Variants in TUBE1 observed in about 807,000 individuals in gnomAD.
TUBE1 encodes the protein tubulin epsilon 1, also known as tubulin epsilon chain.
Under a neutral mutation model 53.5 loss-of-function variants are expected in TUBE1, and 34 were observed. That is an observed-to-expected ratio of 0.64 (90% CI 0.48 to 0.85). The LOEUF (loss-of-function observed/expected upper bound fraction) is 0.85, where lower values mean the gene tolerates loss of function less well. Ranked by LOEUF, TUBE1 falls within the 40% of genes least tolerant of loss-of-function variation. The pLI is 0.00. For synonymous variants in TUBE1, 177 were observed against 198.4 expected, an observed-to-expected ratio of 0.89 and a Z score of 0.91; for missense variants, 532 against 570.5, an observed-to-expected ratio of 0.93 and a Z score of 0.69.
chr6:112,078,440 A>G (rs1777010467), intron 6 of TUBE1: 1 of 152,070 alleles, frequency 6.6e-6, no homozygotes, highest in South Asian at 2.1e-4. Flanking sequence ...AAGTTACAGT[A>G]TAGTATATAT....
rs782471287 is a variant in TUBE1, at chr6:112,071,453, T to C, written c.1387A>G (p.Met463Val). The C allele has an allele frequency of 9.9e-6, 16 of 1,609,442 alleles. No homozygotes were observed. Among genetic ancestry groups the C allele is most frequent in the Middle Eastern group, 1.7e-4 (1 of 5,972 alleles). ...EYDQLDATKN[M>V]PVQDLPRLSI... ...AGTCTGGGTAAATCCTGCACAGGCA[T>C]GTTTTTTGTGGCGTCCAGTTGGTCA... The change falls in exon 12 of 12, where the codon ATG becomes GTG. Residue 463 changes from methionine (M) to valine (V), a missense_variant. Coordinates refer to ENST00000368662, the MANE Select transcript of TUBE1 (RefSeq NM_016262.5).
chr6:112,075,412 T>C (rs1447609868), intron 8 of TUBE1: 1 of 152,346 alleles, frequency 6.6e-6, no homozygotes, highest in Admixed American at 6.5e-5. Flanking sequence ...TAGTTGCTCA[T>C]TACACATATA....
chr6:112,075,064 CTTTCTTTTT>C (rs1776937244), intron 8 of TUBE1: 5 of 164,364 alleles, frequency 3.0e-5, no homozygotes, highest in African/African-American at 9.8e-5. Flanking sequence ...TTTTTTTTTT[CTTTCTTTTT>C]TTTTTTTTTT....
intron 9 of TUBE1, 23 bp downstream of exon 9, chr6:112,074,687 A>T (rs1776925556): frequency 6.9e-7 from 1 of 1,446,108 alleles, no homozygotes; most frequent in Non-Finnish European, 9.1e-7. Context: ...GCCTCAAAAA[A>T]TTGAAACAAA....
At chr6:112,079,567 C>T (rs781990968) in intron 6 of TUBE1, 66 bp downstream of exon 6, 49 of 1,553,216 alleles carry the variant, frequency 3.2e-5, no homozygotes, top group African/African-American at 5.5e-5. Context: ...ACAAGACTTA[C>T]GTTTGCAAAA....
chr6:112,087,333 A>G (rs1583601098), intron 1 of TUBE1, 27 bp from the exon 2 acceptor site: 11 of 1,551,704 alleles, frequency 7.1e-6, no homozygotes, highest in Non-Finnish European at 8.7e-6. Flanking sequence ...GGAAGGAAAG[A>G]GAATAGGACA....
intron 4 of TUBE1, 67 bp downstream of exon 4, chr6:112,084,122 G>C (rs1396999000): frequency 8.0e-7 from 1 of 1,249,524 alleles, no homozygotes; most frequent in South Asian, 1.3e-5. Flanking sequence ...TTATTCTCAT[G>C]ATAGTTACTG....
chr6:112,073,757 A>C (rs1776907475), intron 9 of TUBE1, among the ~76,000 whole-genome samples: 1 of 152,230 alleles, frequency 6.6e-6, no homozygotes, highest in Non-Finnish European at 1.5e-5. Context: ...TTTTCTTTAA[A>C]AACTTTTAAA....
chr6:112,087,143 G>C (rs1447022971), intron 2 of TUBE1, 90 bp downstream of exon 2: 11 of 1,147,216 alleles, frequency 9.6e-6, no homozygotes, highest in Non-Finnish European at 1.4e-5. Context: ...TCTTAAACGG[G>C]TCAGATGAAA....
chr6:112,075,042 A>C, intron 8 of TUBE1, 192 bp from the exon 9 acceptor site: 3 of 280,074 alleles, frequency 1.1e-5, no homozygotes, highest in East Asian at 5.8e-5. Context: ...AATATAACAC[A>C]CAACATCTAC....
rs782077548 is a variant in TUBE1 at position 112,071,375 on chromosome 6, A to G, written c.*37T>C. 11 of 1,443,190 alleles carry G rather than the reference A, an allele frequency of 7.6e-6. No individual in the cohort carries two copies. The highest frequency in any genetic ancestry group is 2.1e-5 in the Admixed American group (1 of 47,500). The allele number at this position is 1,443,190 out of a possible 1,614,324, so 89.4% of individuals were successfully genotyped here. ...TGAAACAGAAAGGTCAGAAAAAACA[A>G]TGTGAAATTAAGAAAGTATTTTTGA... is the stretch of plus-strand genomic sequence containing the variant. On this transcript the variant is annotated 3_prime_UTR_variant, in exon 12 of 12. Transcript: ENST00000368662.
chr6:112,076,660 C>A, intron 6 of TUBE1, 151 bp from the exon 7 acceptor site: 1 of 561,352 alleles, frequency 1.8e-6, no homozygotes, highest in Non-Finnish European at 2.9e-6. Flanking sequence ...GCCTTGACCT[C>A]CTAGGGTCAA....
intron 2 of TUBE1, chr6:112,086,935 C>A: frequency 2.0e-6 from 1 of 503,166 alleles, no homozygotes; most frequent in Non-Finnish European, 3.5e-6. Context: ...AATAACCACA[C>A]GTGTTATCTA....
chr6:112,076,627 A>G (rs1324091254), intron 6 of TUBE1, 118 bp from the exon 7 acceptor site: 1 of 857,972 alleles, frequency 1.2e-6, no homozygotes, highest in African/African-American at 1.7e-5. Context: ...GCTGGAGTGC[A>G]GCAGCATAAT....
chr6:112,083,423 A>G (rs1360186490), intron 4 of TUBE1, among the ~76,000 whole-genome samples: 2 of 146,658 alleles, frequency 1.4e-5, no homozygotes, highest in African/African-American at 5.1e-5. Flanking sequence ...GGTTCACGCC[A>G]TTTTCCTGCC....
Position 112,076,004 on chromosome 6 carries a change from T to A in TUBE1, c.745A>T (p.Lys249Ter). ...GCATCAAAGGGCTTCTTATGCTGCTTTTTTAAAGCCCCAGAACTTGAAGTA... is the reference window on the plus strand; with the variant it reads ...GCATCAAAGGGCTTCTTATGCTGCTATTTTAAAGCCCCAGAACTTGAAGTA... ...LVTSSSGALK[K>*]QHKKPFDAMN... Residue 249 changes from lysine to a stop codon, truncating the protein, a stop_gained, in exon 8 of 12, where the codon AAG becomes TAG. Transcript: ENST00000368662. LOFTEE classifies it high-confidence loss of function. 1 of 1,613,994 alleles carries A rather than the reference T, an allele frequency of 6.2e-7. No homozygotes were observed. Among genetic ancestry groups the A allele is most frequent in the Non-Finnish European group, 8.5e-7 (1 of 1,179,944 alleles).
intron 10 of TUBE1, 70 bp from the exon 11 acceptor site, chr6:112,072,146 GC>G: frequency 1.7e-6 from 2 of 1,192,538 alleles, no homozygotes; most frequent in Non-Finnish European, 2.3e-6. Context: ...TATAATGGCA[GC>G]TCATATTAGT....
chr6:112,079,653 A>G lies in TUBE1; in HGVS notation c.428T>C (p.Ile143Thr). Residue 143 changes from isoleucine (I) to threonine (T), a missense_variant, in exon 6 of 12, where the codon ATA (isoleucine) becomes ACA (threonine). Physicochemically the swap from Ile to Thr is moderately conservative, Grantham distance 89. Coordinates refer to ENST00000368662, the MANE Select transcript of TUBE1 (RefSeq NM_016262.5). The part of the protein sequence containing the change: ...EHCDCLQCFF[I>T]IHSMGGGTGS... The stretch of plus-strand genomic sequence containing the variant: ...TTTACCTCCTCCCATGGAATGTATT[A>G]TAAAGAAACACTGCAAGCAATCACA... 6.2e-7 allele frequency: 1 copy of G among 1,612,622 alleles called. No individual in the cohort carries two copies. Among genetic ancestry groups the G allele is most frequent in the Non-Finnish European group, 8.5e-7 (1 of 1,179,174 alleles).
At chr6:112,078,077 T>C (rs1777002368) in intron 6 of TUBE1, 1 of 152,088 alleles carries the variant, frequency 6.6e-6, no homozygotes, top group Non-Finnish European at 1.5e-5. Context: ...ATAATAGATT[T>C]ATGTCTCATG....
Sources: allele counts gnomAD v4.1 joint callset (sites outside exome capture counted in the v4.1 genomes callset), GRCh38; gene constraint gnomAD v4.1.1; transcripts MANE v1.5; gene names NCBI Gene and HGNC (gene_info 2026-07-23, HGNC 2026-07-21).